Variants in ACOT6 observed in about 807,000 individuals in gnomAD.
The protein encoded by ACOT6 is acyl-coenzyme A thioesterase 6.
ACOT6 carries 14 observed loss-of-function variants against 12.3 expected under a neutral mutation model. The ratio of observed to expected loss-of-function variants is 1.14; its 90% confidence interval spans 0.75 to 1.78. The LOEUF (loss-of-function observed/expected upper bound fraction) is 1.78. Among genes scored for constraint, ACOT6 ranks in the 40% most tolerant of loss-of-function variants. The probability of loss-of-function intolerance (pLI) is 0.00; values close to 1 mark genes in which losing one functional copy is unlikely to be tolerated. For synonymous variants in ACOT6, 218 were observed against 231.3 expected, an observed-to-expected ratio of 0.94 and a Z score of 0.52; for missense variants, 523 against 551.8, an observed-to-expected ratio of 0.95 and a Z score of 0.52.
At chr14:73,616,819 C>T in intron 1 of ACOT6, 175 bp from the exon 2 acceptor site, 1 of 539,714 alleles carries the variant, frequency 1.9e-6, no homozygotes, top group Non-Finnish European at 3.3e-6. Context: ...ATACATTGTA[C>T]CCAATATGTA....
intron 1 of ACOT6, among the ~76,000 whole-genome samples, chr14:73,616,379 G>C (rs1890541140): frequency 6.6e-6 from 1 of 151,980 alleles, no homozygotes; most frequent in African/African-American, 2.4e-5. Context: ...GTGCAGTGGT[G>C]TGACAATAAT....
At chr14:73,618,948 G>A (rs1170475848) in intron 2 of ACOT6, among the ~76,000 whole-genome samples, 1 of 152,120 alleles carries the variant, frequency 6.6e-6, no homozygotes, top group Non-Finnish European at 1.5e-5. Context: ...TGGCCAACAT[G>A]GTGAAACCCT....
Position 73,619,215 on chromosome 14 carries a change from T to C in ACOT6, c.661-19T>C. Reference sequence around the variant, plus strand: ...TTTATGAATTCTAAGCTTGTTTTCCTTCTCTTTTTCCTCAACAGGTGAAAG... The same window carrying C: ...TTTATGAATTCTAAGCTTGTTTTCCCTCTCTTTTTCCTCAACAGGTGAAAG... On this transcript the variant is annotated intron_variant, in intron 2 of 2. Coordinates refer to ENST00000645972, the MANE Select transcript of ACOT6 (RefSeq NM_001365788.1). 6.5e-7 allele frequency: 1 copy of C among 1,533,180 alleles called. No individual in the cohort carries two copies. The allele number at this position is 1,533,180 out of a possible 1,614,324, so 95.0% of individuals were successfully genotyped here.
chr14:73,612,467 G>C (rs879332876), upstream of ACOT6: 7 of 778,330 alleles, frequency 9.0e-6, no homozygotes, highest in Non-Finnish European at 1.3e-5. Flanking sequence ...AATGGGAGTA[G>C]TGTTAAGGGC....
At chr14:73,613,056 A>T (rs1390210114) in intron 1 of ACOT6, 24 bp downstream of exon 1, 1 of 659,598 alleles carries the variant, frequency 1.5e-6, no homozygotes, top group Admixed American at 4.2e-5. Flanking sequence ...AATTTGGTCG[A>T]GCTCTGCGAC....
At chr14:73,619,161 G>GAATGTAAAA in intron 2 of ACOT6, 73 bp from the exon 3 acceptor site, 1 of 1,485,890 alleles carries the variant, frequency 6.7e-7, no homozygotes, top group Non-Finnish European at 8.9e-7. Context: ...GCTACTTGGA[G>GAATGTAAAA]AATGTAAAAT....
At chr14:73,616,060 G>A (rs1244816243) in intron 1 of ACOT6, among the ~76,000 whole-genome samples, 1 of 151,966 alleles carries the variant, frequency 6.6e-6, no homozygotes, top group Non-Finnish European at 1.5e-5. Flanking sequence ...TGGAACTCTT[G>A]GGCTCAGATG....
intron 1 of ACOT6, among the ~76,000 whole-genome samples, chr14:73,615,406 A>AC (rs1890519588): frequency 2.8e-5 from 2 of 70,298 alleles, no homozygotes; most frequent in African/African-American, 9.7e-5. Flanking sequence ...AAAAAAAAAA[A>AC]ACAAAAAACA....
In ACOT6 at chr14:73,617,075, T is replaced by C; in HGVS notation, c.543T>C (p.His181=). ...ACAGGGCCAGCCTCCTGGCCGGACA[T>C]GGTTTTGCTGTGCTTGCCCTGGCTT... The part of the protein sequence containing the change: ...CEYRASLLAG[H]GFAVLALAYF... The change falls in exon 2 of 3, where the codon CAT becomes CAC. Residue 181 remains histidine, a synonymous_variant. Coordinates refer to ENST00000645972, the MANE Select transcript of ACOT6 (RefSeq NM_001365788.1). 1.4e-6 allele frequency: 2 copies of C among 1,465,904 alleles called. No individual in the cohort carries two copies. Among genetic ancestry groups the C allele is most frequent in the Non-Finnish European group, 1.9e-6 (2 of 1,046,210 alleles). The allele number at this position is 1,465,904 out of a possible 1,614,324, so 90.8% of individuals were successfully genotyped here. A position where few individuals can be genotyped will look rare whatever the true frequency, so the allele number is the denominator to read the frequency against.
rs1890551727 is a variant in ACOT6, at chr14:73,617,008, G to T, written c.476G>T (p.Gly159Val). The T allele has an allele frequency of 2.7e-6, 2 of 740,508 alleles. No individual in the cohort carries two copies. The highest frequency in any genetic ancestry group is 5.1e-5 in the East Asian group (2 of 39,540). 45.9% of individuals were successfully genotyped at this position (740,508 alleles called of 1,614,324 possible). A position where few individuals can be genotyped will look rare whatever the true frequency, so the allele number is the denominator to read the frequency against. The change falls in exon 2 of 3, where the codon GGG becomes GTG. Residue 159 changes from glycine to valine, a missense_variant. Transcript: ENST00000645972. ...TCTCCAGGCAGGGGGCCCTTTCCTG[G>T]GATCATTGATCTGTTTGGGAGCAGC... The part of the protein sequence containing the change: ...FLPPDEGPFP[G>V]IIDLFGSSRG...
chr14:73,617,174 T>A lies in ACOT6; in HGVS notation c.642T>A (p.Phe214Leu). ...HLEYFEEAVD[F>L]MLQHPKVKGP... ...AGTACTTTGAAGAAGCCGTGGACTT[T>A]ATGCTGCAGCATCCAAAGGTGCGTT... Residue 214 changes from phenylalanine to leucine, a missense_variant, in exon 2 of 3, where the codon TTT (phenylalanine) becomes TTA (leucine). Phe to Leu is a conservative substitution (Grantham distance 22). This residue lies in a region of ACOT6 where 219 missense variants were observed against 277.0 expected (regional missense o/e 0.79). Coordinates refer to ENST00000645972, the MANE Select transcript of ACOT6 (RefSeq NM_001365788.1). The A allele has an allele frequency of 6.2e-7, 1 of 1,614,206 alleles. No individual in the cohort carries two copies. The highest frequency in any genetic ancestry group is 8.5e-7 in the Non-Finnish European group (1 of 1,180,046).
In ACOT6 at chr14:73,613,026, CG is replaced by C; in HGVS notation, c.457del (p.Asp153MetfsTer48). On this transcript the variant is annotated frameshift_variant, in exon 1 of 3. Coordinates refer to ENST00000645972, the MANE Select transcript of ACOT6 (RefSeq NM_001365788.1). LOFTEE classifies it high-confidence loss of function. ...GPVRAALFLP[P>X]DEGPFPGIID... ...GTGCGCGCCGCGCTCTTCCTGCCGCCGGATGAGTAGTCTGCCCAGAATTTGG... is the reference window on the plus strand; with the variant it reads ...GTGCGCGCCGCGCTCTTCCTGCCGCCGATGAGTAGTCTGCCCAGAATTTGG... 1 of 836,728 alleles carries C rather than the reference CG, an allele frequency of 1.2e-6. No individual in the cohort carries two copies. The highest frequency in any genetic ancestry group is 1.7e-6 in the Non-Finnish European group (1 of 583,418). 51.8% of individuals were successfully genotyped at this position (836,728 alleles called of 1,614,324 possible). A position where few individuals can be genotyped will look rare whatever the true frequency, so the allele number is the denominator to read the frequency against.
At position 73,619,560 on chromosome 14, in the gene ACOT6, G is replaced by A; in HGVS notation, c.987G>A (p.Trp329Ter). The change falls in exon 3 of 3, where the codon TGG becomes TGA. Residue 329 changes from tryptophan (W) to a stop codon, truncating the protein, a stop_gained. Transcript: ENST00000645972. LOFTEE classifies it low-confidence loss of function (END_TRUNC). ...TTGTTGGCATGGATGATCAAAGCTG[G>A]AAGAGTGAATTCTATGCTCAGATAG... ...LFIVGMDDQS[W>*]KSEFYAQIAS... The A allele has an allele frequency of 4.3e-6, 7 of 1,614,204 alleles. No individual in the cohort carries two copies. The highest frequency in any genetic ancestry group is 5.9e-6 in the Non-Finnish European group (7 of 1,180,030).
intron 1 of ACOT6, among the ~76,000 whole-genome samples, chr14:73,613,526 C>A (rs1232332332): frequency 6.6e-6 from 1 of 152,126 alleles, no homozygotes; most frequent in Non-Finnish European, 1.5e-5. Flanking sequence ...TTTAAAAACA[C>A]ACACAAAACT....
intron 2 of ACOT6, among the ~76,000 whole-genome samples, chr14:73,619,003 G>A (rs11626046): frequency 0.32 from 49,274 of 151,818 alleles, 9,697 homozygotes; most frequent in East Asian, 0.65. Context: ...GGTGGTGGGC[G>A]CCTGTAATCC....
chr14:73,618,833 A>G (rs1432918944), intron 2 of ACOT6, among the ~76,000 whole-genome samples: 1 of 152,078 alleles, frequency 6.6e-6, no homozygotes, highest in East Asian at 1.9e-4. Flanking sequence ...AGCAAATGAT[A>G]GTTAAGAAAG....
At chr14:73,616,699 ATT>A (rs145141798) in intron 1 of ACOT6, 11 of 203,430 alleles carry the variant, frequency 5.4e-5, no homozygotes, top group African/African-American at 1.6e-4. Flanking sequence ...TCAAAAAAAA[ATT>A]TTTTTTTTAA....
intron 1 of ACOT6, among the ~76,000 whole-genome samples, chr14:73,614,048 A>AAAAAAAAAAAAC (rs1566870202): frequency 7.0e-6 from 1 of 143,848 alleles, no homozygotes; most frequent in African/African-American, 2.6e-5. Context: ...AAAAAAAAAA[A>AAAAAAAAAAAAC]AAATTAGGCA....
At chr14:73,613,912 G>A (rs534180447) in intron 1 of ACOT6, among the ~76,000 whole-genome samples, 107 of 151,634 alleles carry the variant, frequency 7.1e-4, no homozygotes, top group African/African-American at 1.6e-3. Context: ...ATGATGAGCC[G>A]GGCACAGTGG....
Sources: gnomAD v4.1 joint callset for allele counts (sites outside exome capture counted in the v4.1 genomes callset) on GRCh38, gnomAD v4.1.1 for gene constraint, gnomAD v4.1.1 regional missense constraint, MANE v1.5 for transcripts, NCBI Gene and HGNC (gene_info 2026-07-23, HGNC 2026-07-21) for gene names.